The following GATAD2B variants were observed in gnomAD, a reference collection of about 807,000 sequenced individuals.
The protein encoded by GATAD2B is transcriptional repressor p66-beta.
GATAD2B carries 8 observed loss-of-function variants against 64.3 expected under a neutral mutation model. The observed-to-expected ratio is 0.12, with a 90% CI of 0.07 to 0.22. The LOEUF (loss-of-function observed/expected upper bound fraction) is 0.22, where lower values mean the gene tolerates loss of function less well. Among genes scored for constraint, GATAD2B ranks in the 10% least tolerant of loss-of-function variants. The pLI is 1.00. For synonymous variants in GATAD2B, 281 were observed against 271.3 expected, an observed-to-expected ratio of 1.04 and a Z score of -0.35; for missense variants, 453 against 752.0, an observed-to-expected ratio of 0.60 and a Z score of 4.65.
At chr1:153,848,972 A>ACCCCCC (rs1460207660) in intron 1 of GATAD2B, among the ~76,000 whole-genome samples, 1 of 118,274 alleles carries the variant, frequency 8.5e-6, no homozygotes, top group Non-Finnish European at 1.8e-5. Context: ...AAAACAAACA[A>ACCCCCC]ACCCCCCCCC....
At chr1:153,911,075 C>G (rs1050904099) in intron 1 of GATAD2B, among the ~76,000 whole-genome samples, 2 of 152,066 alleles carry the variant, frequency 1.3e-5, no homozygotes, top group African/African-American at 4.8e-5. Context: ...GAAATTCAAG[C>G]ATATTCTCTG....
At chr1:153,891,430 G>A (rs1404059313) in intron 1 of GATAD2B, among the ~76,000 whole-genome samples, 2 of 151,038 alleles carry the variant, frequency 1.3e-5, no homozygotes, top group African/African-American at 2.4e-5. Context: ...TTAGCTAGGT[G>A]TGGTGGCGGG....
chr1:153,867,614 C>T (rs914284483), intron 1 of GATAD2B, among the ~76,000 whole-genome samples: 2 of 151,952 alleles, frequency 1.3e-5, no homozygotes, highest in African/African-American at 4.8e-5. Context: ...AATCCCAGCA[C>T]TTTGGGAGGC....
intron 1 of GATAD2B, among the ~76,000 whole-genome samples, chr1:153,913,228 A>T (rs1358935569): frequency 3.3e-5 from 5 of 152,138 alleles, no homozygotes; most frequent in African/African-American, 1.2e-4. Context: ...ACACCCAGCC[A>T]GGACAAATTT....
chr1:153,820,434 T>C (rs1250922151), intron 2 of GATAD2B, among the ~76,000 whole-genome samples: 2 of 152,190 alleles, frequency 1.3e-5, no homozygotes, highest in African/African-American at 4.8e-5. Context: ...TTGTGTAAGA[T>C]GATAAAAAAT....
At chr1:153,825,205 T>C (rs575719356) in intron 2 of GATAD2B, among the ~76,000 whole-genome samples, 1 of 152,356 alleles carries the variant, frequency 6.6e-6, no homozygotes, top group Non-Finnish European at 1.5e-5. Context: ...GATAAGTTAC[T>C]TGCTCCAGAA....
At chr1:153,819,041 C>A in intron 3 of GATAD2B, 119 bp from the exon 4 acceptor site, 1 of 996,502 alleles carries the variant, frequency 1.0e-6, no homozygotes, top group Non-Finnish European at 1.5e-6. Flanking sequence ...GCAGAAGTGG[C>A]AATAGGATTA....
chr1:153,920,446 T>C (rs1678396046), intron 1 of GATAD2B, among the ~76,000 whole-genome samples: 3 of 152,242 alleles, frequency 2.0e-5, no homozygotes, highest in Admixed American at 1.3e-4. Context: ...CACCACCCTG[T>C]GGCCCTATGC....
At chr1:153,874,029 G>A (rs575550220) in intron 1 of GATAD2B, among the ~76,000 whole-genome samples, 14 of 152,258 alleles carry the variant, frequency 9.2e-5, no homozygotes, top group Non-Finnish European at 1.8e-4. Context: ...GGAGGCCGAG[G>A]AGGGTGGATC....
Position 153,863,850 on chromosome 1 carries a change from T to C in GATAD2B, c.-1-35502A>G, listed in dbSNP as rs561343445. Reference sequence around the variant, plus strand: ...CATGTTGGCCAGGATGGCCTTGATCTCTTGACCTTGTGATCCACCTGCCTC... The same window carrying C: ...CATGTTGGCCAGGATGGCCTTGATCCCTTGACCTTGTGATCCACCTGCCTC... On this transcript the variant is annotated intron_variant, in intron 1 of 10. Transcript: ENST00000368655. Among the ~76,000 whole-genome samples the C allele has an allele frequency of 2.2e-4, 34 of 152,248 alleles. No homozygotes were observed. The East Asian group carries it at 5.6e-3, about 25-fold the overall frequency.
chr1:153,885,074 G>A (rs1677137731), intron 1 of GATAD2B, among the ~76,000 whole-genome samples: 2 of 151,988 alleles, frequency 1.3e-5, no homozygotes, highest in Admixed American at 1.3e-4. Context: ...CCATCTTCTG[G>A]ATATGGAAAT....
At chr1:153,853,123 G>T in intron 1 of GATAD2B, 1 of 1,450,902 alleles carries the variant, frequency 6.9e-7, no homozygotes, top group South Asian at 1.1e-5. Context: ...GGCTGATTCA[G>T]AATAGGCAGT....
At chr1:153,819,226 T>G (rs752261927) in intron 3 of GATAD2B, among the ~76,000 whole-genome samples, 40 of 152,238 alleles carry the variant, frequency 2.6e-4, no homozygotes, top group Non-Finnish European at 4.0e-4. Flanking sequence ...CCTAAATCTC[T>G]TAAAGCCACA....
rs183017881 is a variant in GATAD2B, at chr1:153,852,526, C to T, written c.-1-24178G>A. 6.1e-4 allele frequency: 464 copies of T among 766,346 alleles called. 2 individuals are homozygous for T. The African/African-American group carries it at 7.2e-3, about 12-fold the overall frequency. 47.5% of individuals were successfully genotyped at this position (766,346 alleles called of 1,614,324 possible). On this transcript the variant is annotated intron_variant, in intron 1 of 10. Transcript: ENST00000368655. ...GCACAGTGGGACTCATCAGTATCAT[C>T]GTATCCAATATTCCTTTTCCACTCC...
intron 1 of GATAD2B, among the ~76,000 whole-genome samples, chr1:153,833,548 C>T (rs1474043321): frequency 5.3e-5 from 8 of 152,170 alleles, no homozygotes; most frequent in Non-Finnish European, 5.9e-5. Flanking sequence ...GGCATGGGGG[C>T]TCACGCCTGT....
At chr1:153,907,372 A>G (rs1677976264) in intron 1 of GATAD2B, among the ~76,000 whole-genome samples, 2 of 152,240 alleles carry the variant, frequency 1.3e-5, no homozygotes, top group Non-Finnish European at 2.9e-5. Flanking sequence ...AATCATGAAG[A>G]TATTTTCAGT....
Position 153,899,163 on chromosome 1 carries a change from G to C in GATAD2B, c.-2+23570C>G, listed in dbSNP as rs529105214. 1.2e-3 allele frequency among the ~76,000 whole-genome samples: 179 copies of C among 152,352 alleles called. No homozygotes were observed. The Middle Eastern group carries it at 0.014, about 12-fold the overall frequency. ...CCAGCTACTTGGGGAACTGAGGCTAGAGGACTGCTTGACCCAGAAGTTCGA... is the reference window on the plus strand; with the variant it reads ...CCAGCTACTTGGGGAACTGAGGCTACAGGACTGCTTGACCCAGAAGTTCGA... On this transcript the variant is annotated intron_variant, in intron 1 of 10. Coordinates refer to ENST00000368655, the MANE Select transcript of GATAD2B (RefSeq NM_020699.4).
chr1:153,892,529 T>C (rs182555102), intron 1 of GATAD2B, among the ~76,000 whole-genome samples: 13 of 152,230 alleles, frequency 8.5e-5, no homozygotes, highest in Middle Eastern at 3.4e-3. Context: ...CTCATAACAA[T>C]TGACTAGTAA....
chr1:153,872,518 G>T (rs1343898545), intron 1 of GATAD2B, among the ~76,000 whole-genome samples: 1 of 150,962 alleles, frequency 6.6e-6, no homozygotes, highest in Non-Finnish European at 1.5e-5. Context: ...ACTAAGTCAT[G>T]CAGCTCTTTC....
Sources: allele counts gnomAD v4.1 joint callset (sites outside exome capture counted in the v4.1 genomes callset), GRCh38; gene constraint gnomAD v4.1.1; transcripts MANE v1.5; gene names NCBI Gene and HGNC (gene_info 2026-07-23, HGNC 2026-07-21).